ZSWIM5: variants seen among roughly 807,000 people sequenced by gnomAD.
The protein encoded by ZSWIM5 is zinc finger SWIM domain-containing protein 5.
ZSWIM5 carries 55 observed loss-of-function variants against 119.6 expected under a neutral mutation model. The observed-to-expected ratio is 0.46, with a 90% CI of 0.37 to 0.58. The LOEUF is 0.58. Among genes scored for constraint, ZSWIM5 ranks in the 20% least tolerant of loss-of-function variants. The pLI is 0.00. For synonymous variants in ZSWIM5, 537 were observed against 606.9 expected, an observed-to-expected ratio of 0.88 and a Z score of 1.69; for missense variants, 1,193 against 1,512.8, an observed-to-expected ratio of 0.79 and a Z score of 3.51.
chr1:45,132,367 T>C (rs893218757), intron 1 of ZSWIM5, among the ~76,000 whole-genome samples: 5 of 152,142 alleles, frequency 3.3e-5, no homozygotes, highest in Admixed American at 6.6e-5. Flanking sequence ...GTCTAGTTCA[T>C]ACAGTCTATG....
rs767873863 is a variant in ZSWIM5 at position 45,036,297 on chromosome 1, T to C, written c.1897A>G (p.Met633Val). ...NDDGYLEMSD[M>V]NESRPPVYQH... ...TACACAGGGGGTCTGCTTTCATTCA[T>C]ATCTGAGGGCAACAGGGCACCAAAT... The change falls in exon 9 of 14, where the codon ATG becomes GTG. Residue 633 changes from methionine to valine, a missense_variant and splice_region_variant. Coordinates refer to ENST00000359600, the MANE Select transcript of ZSWIM5 (RefSeq NM_020883.2). 4.3e-6 allele frequency: 7 copies of C among 1,610,808 alleles called. No homozygotes were observed. In the South Asian group the frequency reaches 5.5e-5, roughly 13 times the overall value.
At chr1:45,031,935 T>C (rs1437143977) in intron 11 of ZSWIM5, among the ~76,000 whole-genome samples, 1 of 152,142 alleles carries the variant, frequency 6.6e-6, no homozygotes, top group East Asian at 1.9e-4. Context: ...TTAGCTACAT[T>C]CTACAAATTT....
At chr1:45,094,543 G>A (rs1486660760) in intron 1 of ZSWIM5, among the ~76,000 whole-genome samples, 1 of 151,990 alleles carries the variant, frequency 6.6e-6, no homozygotes, top group East Asian at 1.9e-4. Flanking sequence ...AGGAGTTCAA[G>A]GCCAGCCTGG....
chr1:45,162,604 T>C (rs1645870522), intron 1 of ZSWIM5, among the ~76,000 whole-genome samples: 2 of 152,074 alleles, frequency 1.3e-5, no homozygotes, highest in African/African-American at 4.8e-5. Flanking sequence ...ACCTGGAAAA[T>C]CAGGTCACTC....
chr1:45,130,228 C>T (rs906386142), intron 1 of ZSWIM5, among the ~76,000 whole-genome samples: 1 of 152,108 alleles, frequency 6.6e-6, no homozygotes, highest in East Asian at 1.9e-4. Context: ...AACTGGAGTT[C>T]GTCAAAATTA....
rs374434514 is a variant in ZSWIM5 at position 45,132,607 on chromosome 1, A to AT, written c.596-44371dup. ...TTTATAATGTGCCTACGGGAAAATA[A>AT]TTTTTTTTCTTTTTTTTTATTATAC... On this transcript the variant is annotated intron_variant, in intron 1 of 13. Transcript: ENST00000359600. Among the ~76,000 whole-genome samples the AT allele has an allele frequency of 3.3e-5, 5 of 151,646 alleles. No homozygotes were observed. The South Asian group carries it at 1.0e-3, about 32-fold the overall frequency.
intron 1 of ZSWIM5, among the ~76,000 whole-genome samples, chr1:45,173,281 G>A (rs1032011151): frequency 6.6e-6 from 1 of 151,958 alleles, no homozygotes; most frequent in Non-Finnish European, 1.5e-5. Flanking sequence ...TCTCAATAAC[G>A]GAGCTACTGC....
At chr1:45,103,810 G>C (rs1645454253) in intron 1 of ZSWIM5, among the ~76,000 whole-genome samples, 1 of 152,180 alleles carries the variant, frequency 6.6e-6, no homozygotes, top group East Asian at 1.9e-4. Flanking sequence ...GCAGCCCTTT[G>C]ACACCATTCA....
chr1:45,080,612 T>C (rs1236729388), intron 2 of ZSWIM5, among the ~76,000 whole-genome samples: 1 of 152,220 alleles, frequency 6.6e-6, no homozygotes, highest in African/African-American at 2.4e-5. Context: ...ACCTGATTTT[T>C]GGTTCTTATG....
At chr1:45,165,362 C>G (rs1396318960) in intron 1 of ZSWIM5, among the ~76,000 whole-genome samples, 4 of 151,994 alleles carry the variant, frequency 2.6e-5, no homozygotes. Flanking sequence ...CAAGAGAAAG[C>G]AGGAAAGATC....
chr1:45,198,965 C>T (rs1414489676), intron 1 of ZSWIM5, among the ~76,000 whole-genome samples: 1 of 152,118 alleles, frequency 6.6e-6, no homozygotes, highest in Non-Finnish European at 1.5e-5. Context: ...CAGGTAAATA[C>T]CTAAGAGTAG....
At chr1:45,121,270 A>G (rs574293311) in intron 1 of ZSWIM5, among the ~76,000 whole-genome samples, 4 of 151,004 alleles carry the variant, frequency 2.6e-5, no homozygotes, top group Non-Finnish European at 5.9e-5. Flanking sequence ...TCTTAATTCA[A>G]CTCTTTGGAT....
chr1:45,026,855 T>C (rs1644923512), intron 11 of ZSWIM5, among the ~76,000 whole-genome samples: 1 of 152,196 alleles, frequency 6.6e-6, no homozygotes, highest in South Asian at 2.1e-4. Flanking sequence ...TGGCGCTTTC[T>C]GTTTTGGAAG....
chr1:45,154,532 C>A (rs1570157868), intron 1 of ZSWIM5, among the ~76,000 whole-genome samples: 1 of 152,114 alleles, frequency 6.6e-6, no homozygotes, highest in Non-Finnish European at 1.5e-5. Context: ...GGATAATTGA[C>A]AAGCCACATG....
intron 1 of ZSWIM5, among the ~76,000 whole-genome samples, chr1:45,194,876 CAA>C (rs373754738): frequency 2.5e-5 from 3 of 119,140 alleles, no homozygotes; most frequent in Admixed American, 8.6e-5. Flanking sequence ...GACTCCGTCT[CAA>C]AAAAAAAAAA....
At chr1:45,147,628 T>C (rs1390033297) in intron 1 of ZSWIM5, among the ~76,000 whole-genome samples, 1 of 131,952 alleles carries the variant, frequency 7.6e-6, no homozygotes, top group Non-Finnish European at 1.6e-5. Flanking sequence ...TGGACATATA[T>C]AATATGGAAA....
At chr1:45,094,390 G>C (rs1278629265) in intron 1 of ZSWIM5, among the ~76,000 whole-genome samples, 1 of 152,006 alleles carries the variant, frequency 6.6e-6, no homozygotes, top group South Asian at 2.1e-4. Flanking sequence ...GTAGAGATGG[G>C]ATTTCACCAT....
chr1:45,161,385 G>C (rs1264354495), intron 1 of ZSWIM5, among the ~76,000 whole-genome samples: 1 of 152,102 alleles, frequency 6.6e-6, no homozygotes, highest in Non-Finnish European at 1.5e-5. Flanking sequence ...GTGTGTAAGA[G>C]TTACCTTCTC....
intron 1 of ZSWIM5, among the ~76,000 whole-genome samples, chr1:45,183,591 C>T (rs1646036637): frequency 6.6e-6 from 1 of 152,180 alleles, no homozygotes; most frequent in Non-Finnish European, 1.5e-5. Flanking sequence ...CACAGAAATA[C>T]AACCTACCAT....
Sources: allele counts gnomAD v4.1 joint callset (sites outside exome capture counted in the v4.1 genomes callset), GRCh38; gene constraint gnomAD v4.1.1; transcripts MANE v1.5; gene names NCBI Gene and HGNC (gene_info 2026-07-23, HGNC 2026-07-21).